The following FHDC1 variants were observed in gnomAD, a reference collection of about 807,000 sequenced individuals.
The protein encoded by FHDC1 is FH2 domain containing 1, also known as FH2 domain-containing protein 1.
Under a neutral mutation model 52.6 loss-of-function variants are expected in FHDC1, and 25 were observed. That is an observed-to-expected ratio of 0.48 (90% CI 0.35 to 0.66). The LOEUF is 0.66. Ranked by LOEUF, FHDC1 falls within the 30% of genes least tolerant of loss-of-function variation. The pLI, the probability that FHDC1 is intolerant of heterozygous loss-of-function variation, is 0.01. For synonymous variants in FHDC1, 616 were observed against 581.5 expected (o/e 1.06, Z -0.85); for missense variants, 1,459 against 1,452.8 (o/e 1.00, Z -0.07).
chr4:152,917,362 G>A, the FHDC1 span, among the ~76,000 whole-genome samples: 1 of 151,982 alleles, frequency 6.6e-6, no homozygotes, highest in East Asian at 1.9e-4. Context: ...TTTTAATAAT[G>A]GTTATTTCCA....
intron 4 of FHDC1, among the ~76,000 whole-genome samples, chr4:152,956,922 A>C (rs1046842424): frequency 4.0e-5 from 6 of 151,740 alleles, no homozygotes; most frequent in Admixed American, 6.6e-5. Flanking sequence ...CCCCTTCCTA[A>C]ACCCTCCCGG....
Position 152,972,470 on chromosome 4 carries a change from A to G in FHDC1, c.1312A>G (p.Lys438Glu). The G allele has an allele frequency of 6.2e-7, 1 of 1,614,098 alleles. No individual in the cohort carries two copies. The highest frequency in any genetic ancestry group is 8.5e-7 in the Non-Finnish European group (1 of 1,180,016). ...TLIDFFCEDK[K>E]TMKLDECFQI... ...TATAGATTTTTTCTGTGAAGACAAA[A>G]AAACCATGAAACTGGATGAATGCTT... Residue 438 changes from lysine (K) to glutamate (E), a missense_variant, in exon 11 of 12, where the codon AAA (lysine) becomes GAA (glutamate). This residue lies in a region of FHDC1 where 513 missense variants were observed against 581.5 expected (regional missense o/e 0.88). Coordinates refer to ENST00000511601, the MANE Select transcript of FHDC1 (RefSeq NM_001371116.1).
intron 4 of FHDC1, among the ~76,000 whole-genome samples, chr4:152,955,760 G>C (rs148329394): frequency 6.6e-6 from 1 of 152,240 alleles, no homozygotes; most frequent in Admixed American, 6.5e-5. Flanking sequence ...TTACAGGCAT[G>C]AGCCACTGCA....
chr4:152,922,430 A>G, the FHDC1 span, among the ~76,000 whole-genome samples: 1 of 152,208 alleles, frequency 6.6e-6, no homozygotes, highest in Non-Finnish European at 1.5e-5. Flanking sequence ...TCAGAGGTAC[A>G]AGGAGGAACT....
chr4:152,927,894 T>G, the FHDC1 span: 1 of 1,375,260 alleles, frequency 7.3e-7, no homozygotes, highest in Non-Finnish European at 1.0e-6. Context: ...TTCTCCCAGG[T>G]GAAGCTGTTG....
In FHDC1 at chr4:152,977,954, A is replaced by G. The variant is rs1740951363; in HGVS notation, c.*1231A>G. 1.3e-5 allele frequency: 2 copies of G among 152,224 alleles called. No individual in the cohort carries two copies. Among genetic ancestry groups the G allele is most frequent in the Admixed American group, 1.3e-4 (2 of 15,278 alleles). 9.4% of individuals were successfully genotyped at this position (152,224 alleles called of 1,614,324 possible). On this transcript the variant is annotated 3_prime_UTR_variant, in exon 12 of 12. Coordinates refer to ENST00000511601, the MANE Select transcript of FHDC1 (RefSeq NM_001371116.1). Reference sequence around the variant, plus strand: ...TCTGGGTGTGAGTCTGTCTAGGAACAGGAGGGAAAGTTGGACTCAGACAGA... The same window carrying G: ...TCTGGGTGTGAGTCTGTCTAGGAACGGGAGGGAAAGTTGGACTCAGACAGA...
rs981737285 is a variant in FHDC1, at chr4:152,975,695, G to A, written c.2404G>A (p.Gly802Arg). The A allele has an allele frequency of 3.7e-6, 6 of 1,611,784 alleles. No homozygotes were observed. The highest frequency in any genetic ancestry group is 2.2e-5 in the South Asian group (2 of 91,008). Reference protein sequence around the residue: ...RPRGGDPEEGGEGDGSMSSGV... With the variant: ...RPRGGDPEEGREGDGSMSSGV... ...CAGAGGCGGGGACCCGGAGGAAGGC[G>A]GGGAAGGGGATGGCTCCATGTCCTC... Residue 802 changes from glycine (G) to arginine (R), a missense_variant, in exon 12 of 12, where the codon GGG becomes AGG. Gly to Arg is a moderately radical substitution (Grantham distance 125). Around this residue, in one of 3 missense-constraint regions of FHDC1, gnomAD observed 939 missense variants for 854.5 expected, o/e 1.10. Transcript: ENST00000511601.
upstream of FHDC1, among the ~76,000 whole-genome samples, chr4:152,933,268 C>CA (rs1739281330): frequency 6.6e-6 from 1 of 152,044 alleles, no homozygotes. Context: ...GGCTGGTTGG[C>CA]ACATTTGGGG....
chr4:152,976,294 G>A lies in FHDC1; in HGVS notation c.3003G>A (p.Lys1001=), dbSNP rs1740879537. ...NLPRQKPEEN[K]TCRAHSEGPE... ...CCAGACAGAAGCCTGAGGAAAATAA[G>A]ACCTGCCGCGCCCACTCCGAGGGCC... The change falls in exon 12 of 12, where the codon AAG becomes AAA. Residue 1001 remains lysine (K), a synonymous_variant. Coordinates refer to ENST00000511601, the MANE Select transcript of FHDC1 (RefSeq NM_001371116.1). The A allele has an allele frequency of 6.2e-7, 1 of 1,613,452 alleles. No homozygotes were observed. The highest frequency in any genetic ancestry group is 8.5e-7 in the Non-Finnish European group (1 of 1,179,980).
the FHDC1 span, among the ~76,000 whole-genome samples, chr4:152,926,303 CAA>C: frequency 5.9e-3 from 835 of 141,166 alleles, 8 homozygotes; most frequent in African/African-American, 0.02. Flanking sequence ...CACACACACA[CAA>C]ACAATACACA....
At chr4:152,959,108 G>A (rs1271010701) in intron 4 of FHDC1, among the ~76,000 whole-genome samples, 1 of 152,192 alleles carries the variant, frequency 6.6e-6, no homozygotes, top group Non-Finnish European at 1.5e-5. Flanking sequence ...CCAAGGGAGT[G>A]GAAGATAATA....
At chr4:152,966,045 A>G (rs1012168570) in intron 9 of FHDC1, among the ~76,000 whole-genome samples, 2 of 152,244 alleles carry the variant, frequency 1.3e-5, no homozygotes, top group African/African-American at 4.8e-5. Context: ...TGTTCTCTAA[A>G]AAGAATGGAC....
At chr4:152,965,007 C>G (rs757704195) in intron 9 of FHDC1, 32 bp downstream of exon 9, 1 of 1,567,762 alleles carries the variant, frequency 6.4e-7, no homozygotes, top group Non-Finnish European at 8.7e-7. Context: ...ATTCAAGATT[C>G]TTTACCTTTT....
Position 152,943,574 on chromosome 4 carries a change from G to A in FHDC1, c.498+19G>A. The A allele has an allele frequency of 6.3e-7, 1 of 1,598,232 alleles. No homozygotes were observed. The highest frequency in any genetic ancestry group is 8.5e-7 in the Non-Finnish European group (1 of 1,172,114). ...AGAAGAGGTAAGAATGCAAGGTGGA[G>A]GGCTAATCCTCCACACACTGCATTG... On this transcript the variant is annotated intron_variant, in intron 2 of 11. Coordinates refer to ENST00000511601, the MANE Select transcript of FHDC1 (RefSeq NM_001371116.1).
the FHDC1 span, chr4:152,912,185 A>G: frequency 6.6e-6 from 1 of 152,154 alleles, no homozygotes; most frequent in African/African-American, 2.4e-5. Flanking sequence ...CATGATTCTG[A>G]TAGTGGGCAC....
chr4:152,924,762 A>C, the FHDC1 span, among the ~76,000 whole-genome samples: 5 of 151,614 alleles, frequency 3.3e-5, no homozygotes, highest in Admixed American at 2.6e-4. Context: ...TCGCAAGAAC[A>C]AAAAACCAAA....
intron 10 of FHDC1, among the ~76,000 whole-genome samples, chr4:152,969,886 G>T (rs1319622229): frequency 6.6e-6 from 1 of 152,086 alleles, no homozygotes; most frequent in Admixed American, 6.6e-5. Context: ...AGCCAGGATG[G>T]TCTCAATCTC....
Position 152,966,370 on chromosome 4 carries a change from A to G in FHDC1, c.1100+1395A>G, listed in dbSNP as rs142468522. Among the ~76,000 whole-genome samples the G allele has an allele frequency of 3.3e-5, 5 of 152,370 alleles. No homozygotes were observed. The East Asian group carries it at 9.6e-4, about 29-fold the overall frequency. ...AAACATTTGAATTGACAATGGAAGC[A>G]TGAATGCATCCTAATTTATGAATTT... On this transcript the variant is annotated intron_variant, in intron 9 of 11. Transcript: ENST00000511601.
At position 152,976,546 on chromosome 4, in the gene FHDC1, T is replaced by C. The variant is rs756207095; in HGVS notation, c.3255T>C (p.Thr1085=). ...PEDAAPKDSS[T]LRRASSARAP... ...ATGCCGCTCCCAAGGACAGCAGCAC[T>C]TTGAGGCGAGCCAGCAGTGCCCGGG... The change falls in exon 12 of 12, where the codon ACT becomes ACC. Residue 1085 remains threonine (T), a synonymous_variant. Transcript: ENST00000511601. The C allele has an allele frequency of 1.9e-6, 3 of 1,612,928 alleles. No individual in the cohort carries two copies. In the South Asian group the frequency reaches 3.3e-5, roughly 18 times the overall value.
Sources: allele counts gnomAD v4.1 joint callset (sites outside exome capture counted in the v4.1 genomes callset), GRCh38; gene constraint gnomAD v4.1.1; regional missense constraint gnomAD v4.1.1; transcripts MANE v1.5; gene names NCBI Gene and HGNC (gene_info 2026-07-23, HGNC 2026-07-21).